The following FNDC3B variants were observed in gnomAD, a reference collection of about 807,000 sequenced individuals.
FNDC3B encodes fibronectin type III domain containing 3B, also known as fibronectin type III domain-containing protein 3B.
Under a neutral mutation model 151.5 loss-of-function variants are expected in FNDC3B, and 12 were observed. That is an observed-to-expected ratio of 0.08 (90% CI 0.05 to 0.13). The LOEUF is 0.13. FNDC3B is among the 10% of genes least tolerant of loss of function. The pLI, the probability that FNDC3B is intolerant of heterozygous loss-of-function variation, is 1.00. For missense variants in FNDC3B, 1,214 were observed against 1,505.3 expected (o/e 0.81, Z 3.20); for synonymous variants, 528 against 549.0 (o/e 0.96, Z 0.54).
intron 3 of FNDC3B, among the ~76,000 whole-genome samples, chr3:172,148,136 T>C (rs1255942237): frequency 6.6e-6 from 1 of 152,118 alleles, no homozygotes; most frequent in Non-Finnish European, 1.5e-5. Context: ...TTTTCTTCAC[T>C]GTGCCTCAGT....
Position 172,307,350 on chromosome 3 carries a change from GTT to G in FNDC3B, c.1062-10_1062-9del. On this transcript the variant is annotated splice_polypyrimidine_tract_variant and intron_variant, in intron 9 of 25. Coordinates refer to ENST00000415807, the MANE Select transcript of FNDC3B (RefSeq NM_022763.4). Reference sequence around the variant, plus strand: ...TGAGTCACTGCCACTGACTGTGTCTGTTTTGTTTTCAGGGTGTATGCCATGTA... The same window carrying G: ...TGAGTCACTGCCACTGACTGTGTCTGTTGTTTTCAGGGTGTATGCCATGTA... 2 of 1,614,036 alleles carry G rather than the reference GTT, an allele frequency of 1.2e-6. No individual in the cohort carries two copies. Among genetic ancestry groups the G allele is most frequent in the Non-Finnish European group, 1.7e-6 (2 of 1,179,932 alleles).
intron 1 of FNDC3B, among the ~76,000 whole-genome samples, chr3:172,042,356 G>A (rs1346150764): frequency 6.6e-6 from 1 of 152,152 alleles, no homozygotes. Flanking sequence ...GTAGGAGTTT[G>A]TGCTCCTTTT....
chr3:172,370,842 A>T (rs188249074), intron 23 of FNDC3B, among the ~76,000 whole-genome samples: 33 of 152,318 alleles, frequency 2.2e-4, no homozygotes, highest in Non-Finnish European at 4.1e-4. Context: ...CTGAAGGTAC[A>T]AAGATACCCC....
intron 3 of FNDC3B, among the ~76,000 whole-genome samples, chr3:172,206,719 A>G (rs933779976): frequency 6.7e-6 from 1 of 149,626 alleles, no homozygotes; most frequent in Non-Finnish European, 1.5e-5. Flanking sequence ...TTAGAAAGTG[A>G]GTTATAAAAA....
At chr3:172,135,671 C>T (rs560676318) in intron 3 of FNDC3B, among the ~76,000 whole-genome samples, 3 of 152,200 alleles carry the variant, frequency 2.0e-5, no homozygotes, top group African/African-American at 4.8e-5. Context: ...AGGTGCTTTA[C>T]TAGGGTTTCG....
intron 21 of FNDC3B, among the ~76,000 whole-genome samples, chr3:172,349,813 G>A (rs763286099): frequency 2.6e-5 from 4 of 152,026 alleles, no homozygotes; most frequent in East Asian, 1.9e-4. Context: ...CTGCCACCAC[G>A]CCTGACTAAT....
At chr3:172,168,860 C>T (rs145467084) in intron 3 of FNDC3B, among the ~76,000 whole-genome samples, 113 of 151,006 alleles carry the variant, frequency 7.5e-4, no homozygotes, top group African/African-American at 2.6e-3. Flanking sequence ...CTACAGGCGG[C>T]GCCACCACTC....
intron 25 of FNDC3B, among the ~76,000 whole-genome samples, chr3:172,392,798 C>CTTTTTTTTTTTTT (rs11450405): frequency 1.2e-5 from 1 of 86,280 alleles, no homozygotes; most frequent in African/African-American, 3.5e-5. Context: ...TGAATTTTTT[C>CTTTTTTTTTTTTT]TTTTTTTTTT....
chr3:172,092,765 T>C (rs1452253101), intron 1 of FNDC3B, among the ~76,000 whole-genome samples: 1 of 152,230 alleles, frequency 6.6e-6, no homozygotes, highest in Non-Finnish European at 1.5e-5. Flanking sequence ...AGGACACTGT[T>C]CACATGGGAG....
chr3:172,109,340 G>A (rs1234379469), intron 1 of FNDC3B, among the ~76,000 whole-genome samples: 1 of 151,992 alleles, frequency 6.6e-6, no homozygotes, highest in Non-Finnish European at 1.5e-5. Flanking sequence ...TAATTTTTTT[G>A]TATTTTTAGT....
chr3:172,377,835 GTTA>G (rs1316188781), intron 23 of FNDC3B, among the ~76,000 whole-genome samples: 2 of 152,160 alleles, frequency 1.3e-5, no homozygotes, highest in African/African-American at 4.8e-5. Flanking sequence ...CCAAACCGCA[GTTA>G]TTTGCAAAAT....
chr3:172,078,127 G>A (rs1235217032), intron 1 of FNDC3B, among the ~76,000 whole-genome samples: 2 of 151,922 alleles, frequency 1.3e-5, no homozygotes, highest in Non-Finnish European at 1.5e-5. Flanking sequence ...ATTACAGGCC[G>A]CCGCCACCAT....
intron 1 of FNDC3B, among the ~76,000 whole-genome samples, chr3:172,072,870 C>G (rs889544252): frequency 1.3e-5 from 2 of 152,174 alleles, no homozygotes; most frequent in Admixed American, 6.5e-5. Flanking sequence ...GCCACATAAA[C>G]GGTGACACTG....
rs1230319531 is a variant in FNDC3B at position 172,398,140 on chromosome 3, C to T, written c.*665C>T. On this transcript the variant is annotated 3_prime_UTR_variant, in exon 26 of 26. Transcript: ENST00000415807. ...TAAGAAATCAAGTAACCAGAATGCA[C>T]CTATAAATTATGGAGCATTGTAGAT... 6.6e-6 allele frequency: 1 copy of T among 152,614 alleles called. No homozygotes were observed. The highest frequency in any genetic ancestry group is 1.5e-5 in the Non-Finnish European group (1 of 68,038). The allele number at this position is 152,614 out of a possible 1,614,324, so 9.5% of individuals were successfully genotyped here. A position where few individuals can be genotyped will look rare whatever the true frequency, so the allele number is the denominator to read the frequency against.
intron 25 of FNDC3B, among the ~76,000 whole-genome samples, chr3:172,388,944 C>T (rs1284520984): frequency 1.3e-5 from 2 of 152,194 alleles, no homozygotes; most frequent in Non-Finnish European, 1.5e-5. Flanking sequence ...TGTTATCCCA[C>T]TTAATCAGTA....
At chr3:172,359,699 A>G (rs560672043) in intron 22 of FNDC3B, among the ~76,000 whole-genome samples, 4 of 152,316 alleles carry the variant, frequency 2.6e-5, no homozygotes, top group African/African-American at 7.2e-5. Flanking sequence ...AAACTCTTCT[A>G]TTAATACCAT....
intron 25 of FNDC3B, among the ~76,000 whole-genome samples, chr3:172,390,765 C>T (rs9810131): frequency 0.11 from 16,499 of 152,044 alleles, 1,122 homozygotes; most frequent in African/African-American, 0.2. Flanking sequence ...TGTCATTGTT[C>T]GATGGCAGAA....
chr3:172,298,827 C>G (rs1730763735), intron 9 of FNDC3B, 40 bp downstream of exon 9: 1 of 1,488,094 alleles, frequency 6.7e-7, no homozygotes, highest in Non-Finnish European at 9.1e-7. Flanking sequence ...TTGGAGAATC[C>G]AGGTGGCTAA....
chr3:172,344,387 A>G (rs1376816500), intron 19 of FNDC3B, 129 bp downstream of exon 19: 4 of 685,428 alleles, frequency 5.8e-6, no homozygotes, highest in African/African-American at 5.5e-5. Context: ...CCATTAATGC[A>G]GTGTCTGTAA....
Sources: allele counts gnomAD v4.1 joint callset (sites outside exome capture counted in the v4.1 genomes callset), GRCh38; gene constraint gnomAD v4.1.1; transcripts MANE v1.5; gene names NCBI Gene and HGNC (gene_info 2026-07-23, HGNC 2026-07-21).